Variants in CCSER1 observed in about 807,000 individuals in gnomAD.
CCSER1 encodes coiled-coil serine rich protein 1.
Under a neutral mutation model 82.0 loss-of-function variants are expected in CCSER1, and 41 were observed. The ratio of observed to expected loss-of-function variants is 0.50; its 90% CI spans 0.39 to 0.65. CCSER1 has a LOEUF of 0.65. Ranked by LOEUF, CCSER1 falls within the 30% of genes least tolerant of loss-of-function variation. The pLI, the probability that CCSER1 is intolerant of heterozygous loss-of-function variation, is 0.00. For missense variants in CCSER1, 1,119 were observed against 1,064.2 expected (o/e 1.05, Z -0.72); for synonymous variants, 414 against 383.9 (o/e 1.08, Z -0.92).
At chr4:90,617,132 A>G (rs886587087) in intron 5 of CCSER1, among the ~76,000 whole-genome samples, 1 of 152,192 alleles carries the variant, frequency 6.6e-6, no homozygotes, top group Non-Finnish European at 1.5e-5. Context: ...CTTTTCAGAC[A>G]TATGTTTCAT....
chr4:91,206,738 G>T (rs1376583405), intron 10 of CCSER1, among the ~76,000 whole-genome samples: 1 of 151,812 alleles, frequency 6.6e-6, no homozygotes, highest in African/African-American at 2.4e-5. Flanking sequence ...AGAAATATTG[G>T]TAACAAAGGC....
intron 5 of CCSER1, among the ~76,000 whole-genome samples, chr4:90,485,521 C>A (rs1019541159): frequency 7.0e-6 from 1 of 143,368 alleles, no homozygotes; most frequent in South Asian, 2.2e-4. Context: ...TGGCTCCACC[C>A]CCCCCCCCCA....
At chr4:90,296,811 G>A (rs559800360) in intron 1 of CCSER1, among the ~76,000 whole-genome samples, 28 of 152,106 alleles carry the variant, frequency 1.8e-4, no homozygotes, top group African/African-American at 6.5e-4. Context: ...GTAGATATGC[G>A]GCATTATTTC....
chr4:91,558,717 C>A (rs1208153000), intron 10 of CCSER1, among the ~76,000 whole-genome samples: 1 of 151,382 alleles, frequency 6.6e-6, no homozygotes, highest in African/African-American at 2.4e-5. Context: ...CCTGAAAAAC[C>A]CATCAGATTT....
In CCSER1 at chr4:90,187,897, G is replaced by C. The variant is rs532677694; in HGVS notation, c.-42+60066G>C. Among the ~76,000 whole-genome samples, 6 of 151,924 alleles carry C rather than the reference G, an allele frequency of 3.9e-5. 1 individual carries two copies. The South Asian group carries it at 1.2e-3, about 32-fold the overall frequency. ...TTGGAAGACATTAGAAACAGTTGCA[G>C]AAGAAAAAGCAAGCTCATCAACAAC... is the stretch of plus-strand genomic sequence containing the variant. On this transcript the variant is annotated intron_variant, in intron 1 of 10. Coordinates refer to ENST00000509176, the MANE Select transcript of CCSER1 (RefSeq NM_001145065.2).
intron 4 of CCSER1, among the ~76,000 whole-genome samples, chr4:90,412,435 T>C (rs552985719): frequency 6.6e-6 from 1 of 151,194 alleles, no homozygotes; most frequent in Admixed American, 6.6e-5. Flanking sequence ...TTACACGTTG[T>C]GCATGTGTAC....
chr4:90,543,535 A>G (rs540034653), intron 5 of CCSER1, among the ~76,000 whole-genome samples: 1 of 152,306 alleles, frequency 6.6e-6, no homozygotes, highest in African/African-American at 2.4e-5. Context: ...AAGTCTGAAG[A>G]GAGTGCACAG....
At chr4:91,186,636 G>A (rs1178111895) in intron 10 of CCSER1, among the ~76,000 whole-genome samples, 1 of 152,160 alleles carries the variant, frequency 6.6e-6, no homozygotes, top group Non-Finnish European at 1.5e-5. Context: ...TCAGAGCTGA[G>A]AGCCCCAAAC....
intron 4 of CCSER1, among the ~76,000 whole-genome samples, chr4:90,446,906 T>G (rs909579529): frequency 3.9e-5 from 6 of 152,192 alleles, no homozygotes; most frequent in African/African-American, 1.4e-4. Context: ...TCAATACATT[T>G]TCTCTTCCTT....
chr4:90,553,120 C>T (rs1777724013), intron 5 of CCSER1, among the ~76,000 whole-genome samples: 3 of 152,124 alleles, frequency 2.0e-5, no homozygotes, highest in Admixed American at 2.0e-4. Context: ...CAGGCACACA[C>T]CACCACGCCT....
chr4:91,261,419 T>C (rs1741120754), intron 10 of CCSER1, among the ~76,000 whole-genome samples: 1 of 152,212 alleles, frequency 6.6e-6, no homozygotes, highest in Non-Finnish European at 1.5e-5. Flanking sequence ...AATCTCCTCA[T>C]TATCCCAGTA....
intron 3 of CCSER1, among the ~76,000 whole-genome samples, chr4:90,396,574 C>G (rs1021322413): frequency 6.6e-5 from 10 of 151,820 alleles, no homozygotes; most frequent in African/African-American, 1.9e-4. Context: ...TTCATTTTTT[C>G]TTTTCTAGAA....
At chr4:90,967,097 A>G (rs1734637989) in intron 9 of CCSER1, among the ~76,000 whole-genome samples, 1 of 152,068 alleles carries the variant, frequency 6.6e-6, no homozygotes, top group African/African-American at 2.4e-5. Context: ...CTAAACCCTA[A>G]TATTTATGAC....
intron 7 of CCSER1, among the ~76,000 whole-genome samples, chr4:90,759,109 A>G (rs1049169202): frequency 6.6e-6 from 1 of 152,098 alleles, no homozygotes; most frequent in Non-Finnish European, 1.5e-5. Context: ...TCCATTATTA[A>G]ATTCTCTTAG....
At chr4:91,359,445 G>A (rs1221494385) in intron 10 of CCSER1, among the ~76,000 whole-genome samples, 1 of 150,724 alleles carries the variant, frequency 6.6e-6, no homozygotes, top group African/African-American at 2.4e-5. Context: ...TCAATCTCAT[G>A]TGGAAAACAG....
chr4:90,799,207 G>A (rs1378058341), intron 7 of CCSER1, among the ~76,000 whole-genome samples: 2 of 152,158 alleles, frequency 1.3e-5, no homozygotes, highest in African/African-American at 4.8e-5. Context: ...CCCGGAAGGT[G>A]GAGTGGTCAC....
rs1738992586 is a variant in CCSER1, at chr4:91,011,373, G to A, written c.2173-74577G>A. On this transcript the variant is annotated intron_variant, in intron 9 of 10. Transcript: ENST00000509176. The stretch of plus-strand genomic sequence containing the variant: ...GTGCTGGATCTGACATGGCATGCAA[G>A]CTGTGACATGGCCTACAATCTGTAG... Among the ~76,000 whole-genome samples the A allele has an allele frequency of 1.5e-5, 2 of 134,272 alleles. 1 individual carries two copies. Among genetic ancestry groups the A allele is most frequent in the African/African-American group, 5.0e-5 (2 of 40,350 alleles). The allele number at this position is 134,272 out of a possible 152,430, so 88.1% of individuals were successfully genotyped here.
At chr4:91,395,130 T>C (rs991522284) in intron 10 of CCSER1, among the ~76,000 whole-genome samples, 7 of 152,068 alleles carry the variant, frequency 4.6e-5, no homozygotes, top group African/African-American at 1.7e-4. Flanking sequence ...TTCAACCTGG[T>C]GTTCTTTGTG....
At chr4:91,491,608 G>A (rs145894987) in intron 10 of CCSER1, among the ~76,000 whole-genome samples, 1 of 152,172 alleles carries the variant, frequency 6.6e-6, no homozygotes, top group East Asian at 1.9e-4. Context: ...CCATATGTGA[G>A]CATTTTAAAA....
Sources: gnomAD v4.1 joint callset for allele counts (sites outside exome capture counted in the v4.1 genomes callset) on GRCh38, gnomAD v4.1.1 for gene constraint, MANE v1.5 for transcripts, NCBI Gene and HGNC (gene_info 2026-07-23, HGNC 2026-07-21) for gene names.